COL4A3: variants seen among roughly 807,000 people sequenced by gnomAD.
COL4A3 encodes collagen alpha-3(IV) chain.
A neutral mutation model predicts 217.4 loss-of-function variants in COL4A3; 135 were observed. The ratio of observed to expected loss-of-function variants is 0.62; its 90% confidence interval spans 0.54 to 0.72. COL4A3 has a LOEUF of 0.72. COL4A3 is among the 30% of genes least tolerant of loss of function. The pLI, the probability that COL4A3 is intolerant of heterozygous loss-of-function variation, is 0.00. For missense variants in COL4A3, 1,868 were observed against 2,119.9 expected (o/e 0.88, Z 2.33); for synonymous variants, 690 against 736.3 (o/e 0.94, Z 1.02).
chr2:227,209,532 G>C (rs2067234768), intron 1 of COL4A3, among the ~76,000 whole-genome samples: 1 of 152,150 alleles, frequency 6.6e-6, no homozygotes, highest in Admixed American at 6.5e-5. Context: ...CCTCCTCTGT[G>C]TTAGAACATT....
intron 43 of COL4A3, among the ~76,000 whole-genome samples, chr2:227,299,018 A>G (rs930492624): frequency 1.5e-4 from 23 of 152,124 alleles, no homozygotes; most frequent in African/African-American, 5.3e-4. Context: ...ACCTCAAGAA[A>G]CTTATAATCA....
Position 227,277,434 on chromosome 2 carries a change from G to T in COL4A3, c.2021-15G>T. ...GTTGCTGATGTGGAGATGCATATGTGTATTTGTTTCTAAGGTATCCCTGGA... is the reference window on the plus strand; with the variant it reads ...GTTGCTGATGTGGAGATGCATATGTTTATTTGTTTCTAAGGTATCCCTGGA... On this transcript the variant is annotated splice_polypyrimidine_tract_variant and intron_variant, in intron 27 of 51. Coordinates refer to ENST00000396578, the MANE Select transcript of COL4A3 (RefSeq NM_000091.5). 6.5e-7 allele frequency: 1 copy of T among 1,532,000 alleles called. No individual in the cohort carries two copies. The highest frequency in any genetic ancestry group is 1.1e-5 in the South Asian group (1 of 87,344). The allele number at this position is 1,532,000 out of a possible 1,614,324, so 94.9% of individuals were successfully genotyped here.
chr2:227,204,983 T>G (rs1050543763), intron 1 of COL4A3, among the ~76,000 whole-genome samples: 2 of 152,234 alleles, frequency 1.3e-5, no homozygotes, highest in African/African-American at 4.8e-5. Context: ...GATTCGTATG[T>G]CTTTTCCGTT....
chr2:227,303,893 T>A lies in COL4A3; in HGVS notation c.3990T>A (p.Ile1330=). 6.2e-7 allele frequency: 1 copy of A among 1,614,236 alleles called. No homozygotes were observed. Among genetic ancestry groups the A allele is most frequent in the Non-Finnish European group, 8.5e-7 (1 of 1,180,042 alleles). The change falls in exon 45 of 52, where the codon ATT becomes ATA. Residue 1330 remains isoleucine (I), a synonymous_variant. Transcript: ENST00000396578. ...GTAATCCTGGATTTCTAGGATCCAT[T>A]GGACCTCCAGGACCAATTGGGCCAA... ...EKGNPGFLGS[I]GPPGPIGPKG... is the part of the protein sequence containing the mutation.
chr2:227,245,815 C>T (rs2069300168), intron 5 of COL4A3, 139 bp from the exon 6 acceptor site: 5 of 744,088 alleles, frequency 6.7e-6, no homozygotes, highest in Non-Finnish European at 1.2e-5. Flanking sequence ...ATATGTAAAA[C>T]CACAATGTAC....
intron 23 of COL4A3, among the ~76,000 whole-genome samples, chr2:227,267,535 G>T (rs2070976189): frequency 6.6e-6 from 1 of 152,100 alleles, no homozygotes; most frequent in African/African-American, 2.4e-5. Context: ...TCTTAAGGAT[G>T]CAAATGCTCT....
intron 1 of COL4A3, among the ~76,000 whole-genome samples, chr2:227,173,707 A>G (rs902958460): frequency 2.6e-5 from 4 of 152,198 alleles, no homozygotes; most frequent in Non-Finnish European, 4.4e-5. Context: ...GATGGATGAA[A>G]CTAATTTTAA....
At chr2:227,240,298 C>A (rs745927265) in intron 3 of COL4A3, 66 bp downstream of exon 3, 22 of 1,430,878 alleles carry the variant, frequency 1.5e-5, no homozygotes, top group Non-Finnish European at 1.9e-5. Flanking sequence ...TACCCCCTGG[C>A]TGCTGCAAAC....
At chr2:227,276,550 T>C in intron 27 of COL4A3, 73 bp downstream of exon 27, 2 of 1,143,860 alleles carry the variant, frequency 1.7e-6, no homozygotes, top group South Asian at 1.2e-5. Context: ...GGAAAAATAC[T>C]GTCCCCATTA....
intron 1 of COL4A3, among the ~76,000 whole-genome samples, chr2:227,202,519 C>A (rs1217500161): frequency 6.6e-6 from 1 of 150,676 alleles, no homozygotes; most frequent in Admixed American, 6.6e-5. Flanking sequence ...CCGAGGCGGG[C>A]GGATCACTAG....
At chr2:227,284,632 T>A (rs1333830052) in intron 34 of COL4A3, among the ~76,000 whole-genome samples, 1 of 152,166 alleles carries the variant, frequency 6.6e-6, no homozygotes, top group Non-Finnish European at 1.5e-5. Context: ...GCCTCAAAAC[T>A]CCCTCTTTGC....
intron 1 of COL4A3, among the ~76,000 whole-genome samples, chr2:227,190,066 G>A (rs917418597): frequency 6.6e-6 from 1 of 151,980 alleles, no homozygotes; most frequent in Non-Finnish European, 1.5e-5. Flanking sequence ...AAGAATGTCA[G>A]GTGGAAAAAA....
chr2:227,202,906 T>C lies in COL4A3; in HGVS notation c.88-35062T>C, dbSNP rs62277832. Among the ~76,000 whole-genome samples, 37 of 24,514 alleles carry C rather than the reference T, an allele frequency of 1.5e-3. 6 individuals are homozygous for C. The highest frequency in any genetic ancestry group is 1.9e-3 in the Non-Finnish European group (29 of 14,946). The allele number at this position is 24,514 out of a possible 152,430, so 16.1% of individuals were successfully genotyped here. The stretch of plus-strand genomic sequence containing the variant: ...ATATGTGTATATATGTGTATATATG[T>C]GTATATATACATATATGTGTATATA... On this transcript the variant is annotated intron_variant, in intron 1 of 51. Transcript: ENST00000396578.
intron 39 of COL4A3, 90 bp from the exon 40 acceptor site, chr2:227,294,874 C>T: frequency 2.0e-6 from 2 of 983,886 alleles, no homozygotes; most frequent in South Asian, 1.3e-5. Context: ...ACACATCTCC[C>T]TGGTATTCCC....
intron 1 of COL4A3, among the ~76,000 whole-genome samples, chr2:227,177,310 C>T (rs977371179): frequency 4.7e-5 from 7 of 150,408 alleles, no homozygotes; most frequent in South Asian, 4.2e-4. Context: ...CCACCACTCC[C>T]GGCTAATTTT....
intron 25 of COL4A3, among the ~76,000 whole-genome samples, chr2:227,272,742 C>A (rs1050382817): frequency 1.3e-5 from 2 of 152,154 alleles, no homozygotes; most frequent in Non-Finnish European, 2.9e-5. Context: ...GTTCCAAGTT[C>A]AAAAAATGTT....
intron 26 of COL4A3, among the ~76,000 whole-genome samples, chr2:227,274,885 C>T (rs1343244880): frequency 6.6e-6 from 1 of 152,164 alleles, no homozygotes; most frequent in Non-Finnish European, 1.5e-5. Flanking sequence ...TTTGTATGAT[C>T]CTCAAGCTAA....
At chr2:227,226,010 C>A (rs1574620150) in intron 1 of COL4A3, among the ~76,000 whole-genome samples, 1 of 152,074 alleles carries the variant, frequency 6.6e-6, no homozygotes, top group East Asian at 1.9e-4. Flanking sequence ...CCATGCCCAG[C>A]CAGGAACATA....
intron 1 of COL4A3, among the ~76,000 whole-genome samples, chr2:227,188,093 T>A (rs1396479810): frequency 2.0e-5 from 3 of 150,630 alleles, no homozygotes; most frequent in Non-Finnish European, 2.9e-5. Flanking sequence ...TTTAAAAAAA[T>A]TAAAATAAAT....
Sources: gnomAD v4.1 joint callset for allele counts (sites outside exome capture counted in the v4.1 genomes callset) on GRCh38, gnomAD v4.1.1 for gene constraint, MANE v1.5 for transcripts, NCBI Gene and HGNC (gene_info 2026-07-23, HGNC 2026-07-21) for gene names.